The following PDE1C variants were observed in gnomAD, a reference collection of about 807,000 sequenced individuals.
The protein encoded by PDE1C is phosphodiesterase 1C, also known as dual specificity calcium/calmodulin-dependent 3',5'-cyclic nucleotide phosphodiesterase 1C.
PDE1C carries 62 observed loss-of-function variants against 93.1 expected under a neutral mutation model. The observed-to-expected ratio is 0.67, with a 90% CI of 0.54 to 0.82. PDE1C has a LOEUF of 0.82. PDE1C is among the 40% of genes least tolerant of loss of function. PDE1C has a pLI of 0.00. For missense variants in PDE1C, 742 were observed against 884.6 expected (o/e 0.84, Z 2.04); for synonymous variants, 325 against 310.1 (o/e 1.05, Z -0.50).
At chr7:31,642,973 A>T in the PDE1C span, 1 of 1,614,068 alleles carries the variant, frequency 6.2e-7, no homozygotes, top group African/African-American at 1.3e-5. Context: ...AGAATGCCCA[A>T]GGAAAGACAG....
At chr7:32,343,581 T>C (rs1241744449) in intron 1 of PDE1C, among the ~76,000 whole-genome samples, 1 of 152,186 alleles carries the variant, frequency 6.6e-6, no homozygotes, top group African/African-American at 2.4e-5. Flanking sequence ...CTCCGACAAC[T>C]CAAGTTGACA....
chr7:32,046,696 G>T (rs1363468427), intron 2 of PDE1C, among the ~76,000 whole-genome samples: 1 of 151,846 alleles, frequency 6.6e-6, no homozygotes, highest in African/African-American at 2.4e-5. Flanking sequence ...AAAACATGAG[G>T]GACACCTTTG....
the PDE1C span, chr7:31,653,013 A>G: frequency 7.2e-7 from 1 of 1,391,442 alleles, no homozygotes; most frequent in Non-Finnish European, 9.4e-7. Context: ...TCAGTATAGA[A>G]TAACTGAGCA....
chr7:31,910,803 T>C (rs1362773106), intron 2 of PDE1C, among the ~76,000 whole-genome samples: 2 of 152,148 alleles, frequency 1.3e-5, no homozygotes, highest in East Asian at 1.9e-4. Flanking sequence ...CTTTATCTAA[T>C]GTAGTTGGTG....
chr7:32,217,270 A>G (rs548159975), intron 1 of PDE1C, among the ~76,000 whole-genome samples: 3 of 152,358 alleles, frequency 2.0e-5, no homozygotes, highest in Admixed American at 2.0e-4. Flanking sequence ...TATTCTCTTT[A>G]ACAGGTGAGG....
intron 1 of PDE1C, among the ~76,000 whole-genome samples, chr7:32,328,075 T>A (rs1465507061): frequency 6.6e-6 from 1 of 152,182 alleles, no homozygotes; most frequent in African/African-American, 2.4e-5. Flanking sequence ...AGGAGAGGAA[T>A]TTCTGGTTCA....
At chr7:31,863,973 T>C (rs1046132753) in intron 7 of PDE1C, among the ~76,000 whole-genome samples, 15 of 152,152 alleles carry the variant, frequency 9.9e-5, no homozygotes, top group Non-Finnish European at 1.9e-4. Context: ...CAACAGTCAC[T>C]GGAGGAAAAG....
At chr7:32,034,217 C>T (rs1269446293) in intron 2 of PDE1C, among the ~76,000 whole-genome samples, 4 of 152,048 alleles carry the variant, frequency 2.6e-5, no homozygotes, top group African/African-American at 9.7e-5. Flanking sequence ...AAACAGGTTT[C>T]CTTCATGAAC....
At chr7:32,421,508 A>G (rs1785431861) in intron 1 of PDE1C, among the ~76,000 whole-genome samples, 1 of 152,254 alleles carries the variant, frequency 6.6e-6, no homozygotes, top group Non-Finnish European at 1.5e-5. Flanking sequence ...AGGTGAGATC[A>G]ATACAATTTC....
Position 31,809,128 on chromosome 7 carries a change from C to T in PDE1C, c.1814-20G>A. ...AGTCACCTGAAAGTAATAAACATGA[C>T]AAACAGTATATGTATGCAGCTGAGG... is the stretch of plus-strand genomic sequence containing the variant. On this transcript the variant is annotated intron_variant, in intron 15 of 17. Coordinates refer to ENST00000396191, the MANE Select transcript of PDE1C (RefSeq NM_001191057.4). 4 of 1,386,180 alleles carry T rather than the reference C, an allele frequency of 2.9e-6. No individual in the cohort carries two copies. The highest frequency in any genetic ancestry group is 4.1e-6 in the Non-Finnish European group (4 of 974,234). The allele number at this position is 1,386,180 out of a possible 1,614,324, so 85.9% of individuals were successfully genotyped here. A position where few individuals can be genotyped will look rare whatever the true frequency, so the allele number is the denominator to read the frequency against.
intron 1 of PDE1C, among the ~76,000 whole-genome samples, chr7:32,406,412 A>G (rs944429818): frequency 5.3e-5 from 8 of 152,148 alleles, no homozygotes; most frequent in African/African-American, 1.2e-4. Context: ...CCCAGATGCC[A>G]CTGATGACTT....
chr7:32,005,066 G>A lies in PDE1C; in HGVS notation c.128+46488C>T, dbSNP rs557385553. On this transcript the variant is annotated intron_variant, in intron 2 of 17. Coordinates refer to ENST00000396191, the MANE Select transcript of PDE1C (RefSeq NM_001191057.4). ...AGTGCATATCCTACAACCTAGCACCGTCACCAATGTTTTACTGATCCATAG... is the reference window on the plus strand; with the variant it reads ...AGTGCATATCCTACAACCTAGCACCATCACCAATGTTTTACTGATCCATAG... Among the ~76,000 whole-genome samples the A allele has an allele frequency of 5.3e-5, 8 of 152,190 alleles. No homozygotes were observed. The South Asian group carries it at 8.3e-4, about 16-fold the overall frequency.
chr7:32,127,705 T>G (rs1799664068), intron 3 of PDE1C, among the ~76,000 whole-genome samples: 1 of 151,974 alleles, frequency 6.6e-6, no homozygotes, highest in Non-Finnish European at 1.5e-5. Context: ...GAAATAAGCA[T>G]AACAAAAATC....
At chr7:32,163,439 T>A (rs183235605) in intron 3 of PDE1C, among the ~76,000 whole-genome samples, 182 of 152,308 alleles carry the variant, frequency 1.2e-3, no homozygotes, top group African/African-American at 4.1e-3. Flanking sequence ...TTAAATGGGA[T>A]CTGACAAGGC....
chr7:32,141,645 T>G (rs1054977647), intron 3 of PDE1C, among the ~76,000 whole-genome samples: 1 of 152,194 alleles, frequency 6.6e-6, no homozygotes, highest in Non-Finnish European at 1.5e-5. Flanking sequence ...ACTGAGACAC[T>G]GTCACAGACC....
At chr7:32,024,166 A>G (rs1462728113) in intron 2 of PDE1C, among the ~76,000 whole-genome samples, 2 of 151,968 alleles carry the variant, frequency 1.3e-5, no homozygotes, top group African/African-American at 4.8e-5. Flanking sequence ...GCTGAGTGAT[A>G]GTAAGGTCCA....
At chr7:32,404,968 A>G (rs896054753) in intron 1 of PDE1C, among the ~76,000 whole-genome samples, 1 of 152,244 alleles carries the variant, frequency 6.6e-6, no homozygotes, top group African/African-American at 2.4e-5. Context: ...GATTCCTTAC[A>G]GGTTTATAAT....
At chr7:31,845,985 T>C (rs1228864824) in intron 9 of PDE1C, among the ~76,000 whole-genome samples, 2 of 151,990 alleles carry the variant, frequency 1.3e-5, no homozygotes, top group Non-Finnish European at 2.9e-5. Context: ...AGAGTGAGAC[T>C]CTGTCTCAAA....
intron 2 of PDE1C, among the ~76,000 whole-genome samples, chr7:31,933,936 C>G (rs915358767): frequency 1.3e-5 from 2 of 152,168 alleles, no homozygotes; most frequent in East Asian, 1.9e-4. Context: ...TCAGGTTTTT[C>G]TTTATAGCAA....
Sources: allele counts gnomAD v4.1 joint callset (sites outside exome capture counted in the v4.1 genomes callset), GRCh38; gene constraint gnomAD v4.1.1; transcripts MANE v1.5; gene names NCBI Gene and HGNC (gene_info 2026-07-23, HGNC 2026-07-21).